The following KCNMB3 variants were observed in gnomAD, a reference collection of about 807,000 sequenced individuals.
KCNMB3 encodes the protein potassium calcium-activated channel subfamily M regulatory beta subunit 3.
KCNMB3 carries 18 observed loss-of-function variants against 11.9 expected under a neutral mutation model. The ratio of observed to expected loss-of-function variants is 1.51; its 90% confidence interval spans 1.04 to 2.23. KCNMB3 has a LOEUF of 2.23. Among genes scored for constraint, KCNMB3 ranks in the 30% most tolerant of loss-of-function variants. The pLI is 0.00. For missense variants in KCNMB3, 247 were observed against 329.4 expected (o/e 0.75, Z 1.94); for synonymous variants, 78 against 119.2 (o/e 0.65, Z 2.25).
chr3:179,265,496 G>A (rs1223303171), intron 1 of KCNMB3, among the ~76,000 whole-genome samples: 9 of 152,016 alleles, frequency 5.9e-5, no homozygotes, highest in African/African-American at 1.5e-4. Context: ...GGCTCTTGTC[G>A]CCCAGGCTGG....
chr3:179,261,416 G>T, intron 1 of KCNMB3: 2 of 1,055,574 alleles, frequency 1.9e-6, no homozygotes, highest in Non-Finnish European at 2.3e-6. Flanking sequence ...CGCGCTTCCG[G>T]GGCCAAGAGC....
chr3:179,259,544 A>G, intron 1 of KCNMB3: 1 of 1,610,572 alleles, frequency 6.2e-7, no homozygotes, highest in East Asian at 2.2e-5. Flanking sequence ...TTTCTGCTGC[A>G]ATTTTCTGTT....
At chr3:179,247,496 TAA>T (rs887256128) in intron 1 of KCNMB3, among the ~76,000 whole-genome samples, 1 of 148,048 alleles carries the variant, frequency 6.8e-6, no homozygotes, top group African/African-American at 2.5e-5. Flanking sequence ...TCCCACTTCT[TAA>T]AAAAAAAAGT....
chr3:179,257,891 TGTGTGTG>T (rs201380114), intron 1 of KCNMB3, among the ~76,000 whole-genome samples: 70,580 of 151,544 alleles, frequency 0.47, 18,275 homozygotes, highest in East Asian at 0.87. Context: ...TGTGTGTGTG[TGTGTGTG>T]TTTTTTAGAC....
chr3:179,260,131 CTG>C, intron 1 of KCNMB3: 1 of 1,606,076 alleles, frequency 6.2e-7, no homozygotes, highest in Non-Finnish European at 8.5e-7. Context: ...CATGAGGCCA[CTG>C]TGTCTGCCTG....
exon 1 of KCNMB3, chr3:179,266,747 T>G (rs765047758): frequency 1.2e-6 from 2 of 1,612,360 alleles, no homozygotes; most frequent in South Asian, 1.1e-5. Flanking sequence ...CCCTTTCACC[T>G]GAGTCATGCC....
chr3:179,252,425 C>T (rs1725877645), upstream of KCNMB3, among the ~76,000 whole-genome samples: 1 of 152,042 alleles, frequency 6.6e-6, no homozygotes, highest in Non-Finnish European at 1.5e-5. Flanking sequence ...GTTTTTTTCC[C>T]ACAAGCATAG....
chr3:179,254,853 C>T (rs2108450412), upstream of KCNMB3, among the ~76,000 whole-genome samples: 1 of 152,026 alleles, frequency 6.6e-6, no homozygotes, highest in African/African-American at 2.4e-5. Flanking sequence ...GGAGTATATG[C>T]ACTCATTTAG....
chr3:179,264,540 A>T (rs536057026), intron 1 of KCNMB3, among the ~76,000 whole-genome samples: 1 of 152,126 alleles, frequency 6.6e-6, no homozygotes, highest in Non-Finnish European at 1.5e-5. Flanking sequence ...ACCACCTTCT[A>T]TTCTCTTCAC....
upstream of KCNMB3, chr3:179,251,363 T>C: frequency 7.0e-7 from 1 of 1,438,010 alleles, no homozygotes; most frequent in African/African-American, 1.4e-5. Context: ...AACAGCGTCC[T>C]GAACAGGGTT....
At chr3:179,250,235 GA>G (rs1403746519) in intron 1 of KCNMB3, among the ~76,000 whole-genome samples, 1 of 152,090 alleles carries the variant, frequency 6.6e-6, no homozygotes, top group Non-Finnish European at 1.5e-5. Flanking sequence ...GTGGATTCCC[GA>G]AGTTCAAACC....
chr3:179,261,758 G>A (rs1223509232), intron 1 of KCNMB3, among the ~76,000 whole-genome samples: 1 of 152,198 alleles, frequency 6.6e-6, no homozygotes, highest in Non-Finnish European at 1.5e-5. Flanking sequence ...ACAATCATGA[G>A]GGTAAATAGC....
At chr3:179,255,008 T>C (rs1449544392), upstream of KCNMB3, among the ~76,000 whole-genome samples, 1 of 151,582 alleles carries the variant, frequency 6.6e-6, no homozygotes, top group African/African-American at 2.4e-5. Flanking sequence ...CTATTAAAAA[T>C]ACAAAAATTA....
chr3:179,261,515 G>A (rs1037137067), intron 1 of KCNMB3, among the ~76,000 whole-genome samples: 2 of 151,990 alleles, frequency 1.3e-5, no homozygotes, highest in Non-Finnish European at 2.9e-5. Flanking sequence ...GCCTGGCCGG[G>A]GGTGGAATGG....
intron 1 of KCNMB3, chr3:179,258,906 G>C: frequency 4.4e-6 from 7 of 1,604,902 alleles, no homozygotes; most frequent in South Asian, 3.3e-5. Flanking sequence ...CCTGGTGATT[G>C]GCATACAGTG....
At chr3:179,239,889 T>C (rs181341482), downstream of KCNMB3, 54 of 668,528 alleles carry the variant, frequency 8.1e-5, no homozygotes, top group African/African-American at 8.4e-4. Flanking sequence ...CACAGCAAGA[T>C]GCATGTGTTA....
chr3:179,263,095 G>C (rs533370228), intron 1 of KCNMB3, among the ~76,000 whole-genome samples: 1 of 152,248 alleles, frequency 6.6e-6, no homozygotes, highest in Non-Finnish European at 1.5e-5. Flanking sequence ...GGGTGCCGTG[G>C]AGCAGGGGGC....
At chr3:179,254,338 TAATCCTCAAGGG>T (rs1725941724), upstream of KCNMB3, among the ~76,000 whole-genome samples, 1 of 152,216 alleles carries the variant, frequency 6.6e-6, no homozygotes, top group Non-Finnish European at 1.5e-5. Context: ...AAATTTTAGA[TAATCCTCAAGGG>T]GATCCTCAAG....
chr3:179,252,032 A>T (rs911661768), upstream of KCNMB3, among the ~76,000 whole-genome samples: 4 of 151,920 alleles, frequency 2.6e-5, no homozygotes, highest in South Asian at 2.1e-4. Context: ...GTTTATTATT[A>T]TTTTTTTAAT....
Sources: gnomAD v4.1 joint callset for allele counts (sites outside exome capture counted in the v4.1 genomes callset) on GRCh38, gnomAD v4.1.1 for gene constraint, MANE v1.5 for transcripts, NCBI Gene and HGNC (gene_info 2026-07-23, HGNC 2026-07-21) for gene names.